Variants in GRM7 observed in about 807,000 individuals in gnomAD.
GRM7 encodes the protein metabotropic glutamate receptor 7.
In GRM7, 35 loss-of-function variants were observed where a neutral mutation model predicts 84.5. The observed-to-expected ratio is 0.41, with a 90% CI of 0.32 to 0.55. The LOEUF is 0.55. Ranked by LOEUF, GRM7 falls within the 20% of genes least tolerant of loss-of-function variation. GRM7 has a pLI of 0.19. For synonymous variants in GRM7, 487 were observed against 455.1 expected (o/e 1.07, Z -0.89); for missense variants, 1,003 against 1,194.6 (o/e 0.84, Z 2.36).
intron 7 of GRM7, among the ~76,000 whole-genome samples, chr3:7,542,545 A>G (rs1238580471): frequency 7.1e-6 from 1 of 141,048 alleles, no homozygotes; most frequent in Non-Finnish European, 1.5e-5. Context: ...AGTTTCATGC[A>G]TAGCAATTTT....
In GRM7 at chr3:7,554,619, TGTCACA is replaced by T. The variant is rs542307639; in HGVS notation, c.1516-23799_1516-23794del. ...AAAGTTGATTTATCACTCATACTCA[TGTCACA>T]GTCTAGTGTGGGCAGACAGTAGGGA... is the stretch of plus-strand genomic sequence containing the variant. On this transcript the variant is annotated intron_variant, in intron 7 of 9. Transcript: ENST00000357716. Among the ~76,000 whole-genome samples the T allele has an allele frequency of 6.4e-4, 98 of 152,328 alleles. No individual in the cohort carries two copies. In the South Asian group the frequency reaches 0.012, roughly 18 times the overall value.
intron 1 of GRM7, among the ~76,000 whole-genome samples, chr3:6,900,612 G>A (rs1335976848): frequency 3.3e-5 from 5 of 152,178 alleles, no homozygotes; most frequent in Admixed American, 2.0e-4. Flanking sequence ...TTTGAAATGC[G>A]ATGATATACA....
chr3:7,421,148 T>C (rs898015287), intron 5 of GRM7, among the ~76,000 whole-genome samples: 15 of 152,170 alleles, frequency 9.9e-5, no homozygotes, highest in East Asian at 1.9e-4. Flanking sequence ...AATATGAAAG[T>C]TTATCTTCTT....
intron 1 of GRM7, among the ~76,000 whole-genome samples, chr3:7,090,461 G>T (rs752429151): frequency 6.6e-6 from 1 of 152,182 alleles, no homozygotes; most frequent in Non-Finnish European, 1.5e-5. Flanking sequence ...TCTTTCAAAT[G>T]CAAGAATATT....
chr3:7,264,469 G>C (rs1698557420), intron 2 of GRM7, among the ~76,000 whole-genome samples: 1 of 152,116 alleles, frequency 6.6e-6, no homozygotes, highest in African/African-American at 2.4e-5. Flanking sequence ...GTAAGAGCAG[G>C]TTGCTCCTTG....
intron 1 of GRM7, among the ~76,000 whole-genome samples, chr3:7,004,611 C>T (rs954405628): frequency 8.5e-5 from 13 of 152,128 alleles, no homozygotes; most frequent in African/African-American, 3.1e-4. Context: ...CGAGAAACTT[C>T]ACTCATACGA....
chr3:7,067,618 C>T lies in GRM7; in HGVS notation c.520-78834C>T, dbSNP rs138881687. ...AATACTCTGGTTGTTGGCAGGCAGC[C>T]GAGAGTCAAGGGGAGGAGAGAACTG... is the stretch of plus-strand genomic sequence containing the variant. On this transcript the variant is annotated intron_variant, in intron 1 of 9. Coordinates refer to ENST00000357716, the MANE Select transcript of GRM7 (RefSeq NM_000844.4). 8.0e-4 allele frequency among the ~76,000 whole-genome samples: 122 copies of T among 151,902 alleles called. 3 individuals are homozygous for T. The South Asian group carries it at 0.012, about 15-fold the overall frequency.
intron 1 of GRM7, among the ~76,000 whole-genome samples, chr3:7,012,193 C>T (rs1695397027): frequency 6.6e-6 from 1 of 152,064 alleles, no homozygotes; most frequent in Non-Finnish European, 1.5e-5. Flanking sequence ...TGACGCCAGC[C>T]AAGTAAAGAG....
At chr3:7,222,277 A>C (rs1696831337) in intron 2 of GRM7, among the ~76,000 whole-genome samples, 1 of 152,102 alleles carries the variant, frequency 6.6e-6, no homozygotes. Flanking sequence ...ATTGAATCAA[A>C]CACTACCTAG....
chr3:7,623,544 A>C (rs1372537284), intron 8 of GRM7, among the ~76,000 whole-genome samples: 1 of 152,160 alleles, frequency 6.6e-6, no homozygotes, highest in Non-Finnish European at 1.5e-5. Context: ...GAATGCACAC[A>C]AAGAAGCAAT....
At chr3:6,914,418 T>G (rs185677070) in intron 1 of GRM7, among the ~76,000 whole-genome samples, 2 of 152,298 alleles carry the variant, frequency 1.3e-5, no homozygotes, top group East Asian at 3.9e-4. Context: ...AGGTGTTTTT[T>G]TTTGAGACCG....
At chr3:7,602,078 G>GCCAA (rs1559431921) in intron 8 of GRM7, among the ~76,000 whole-genome samples, 1 of 45,080 alleles carries the variant, frequency 2.2e-5, no homozygotes. Context: ...ATATTACCAG[G>GCCAA]ACAAAAAAAA....
chr3:7,703,375 G>C (rs533493261), intron 9 of GRM7, among the ~76,000 whole-genome samples: 1 of 152,174 alleles, frequency 6.6e-6, no homozygotes, highest in East Asian at 1.9e-4. Flanking sequence ...AGAAAGACAA[G>C]GGTCCTCATC....
At chr3:7,652,840 T>C (rs1489535142) in intron 8 of GRM7, among the ~76,000 whole-genome samples, 2 of 152,332 alleles carry the variant, frequency 1.3e-5, no homozygotes, top group Non-Finnish European at 2.9e-5. Context: ...TCTAATTCTT[T>C]TTGAAACCTT....
At chr3:7,442,398 A>G (rs747516826) in intron 5 of GRM7, among the ~76,000 whole-genome samples, 6 of 152,194 alleles carry the variant, frequency 3.9e-5, no homozygotes, top group African/African-American at 1.4e-4. Flanking sequence ...AATTCACAGC[A>G]TCTTCAAACA....
chr3:7,629,561 A>G (rs1697775273), intron 8 of GRM7, among the ~76,000 whole-genome samples: 1 of 152,126 alleles, frequency 6.6e-6, no homozygotes, highest in Non-Finnish European at 1.5e-5. Flanking sequence ...TGATCCCCTT[A>G]TAGGCTCTAT....
At chr3:7,001,156 G>A (rs917638733) in intron 1 of GRM7, among the ~76,000 whole-genome samples, 6 of 152,062 alleles carry the variant, frequency 3.9e-5, no homozygotes, top group Non-Finnish European at 7.4e-5. Context: ...AATAAGCCTG[G>A]ACAACATAGT....
chr3:7,636,240 C>G (rs1447242792), intron 8 of GRM7: 1 of 456,554 alleles, frequency 2.2e-6, no homozygotes, highest in African/African-American at 2.0e-5. Context: ...TCTTCTCTTA[C>G]CCCACTTCCC....
intron 4 of GRM7, among the ~76,000 whole-genome samples, chr3:7,340,467 G>A (rs1701596899): frequency 6.6e-6 from 1 of 152,034 alleles, no homozygotes; most frequent in South Asian, 2.1e-4. Context: ...GATCTTGTGA[G>A]AACACACTCC....
Sources: gnomAD v4.1 joint callset for allele counts (sites outside exome capture counted in the v4.1 genomes callset) on GRCh38, gnomAD v4.1.1 for gene constraint, MANE v1.5 for transcripts, NCBI Gene and HGNC (gene_info 2026-07-23, HGNC 2026-07-21) for gene names.